PRKG1: variants seen among roughly 807,000 people sequenced by gnomAD.
PRKG1 encodes the protein cGMP-dependent protein kinase 1.
In PRKG1, 35 loss-of-function variants were observed where a neutral mutation model predicts 88.1. The ratio of observed to expected loss-of-function variants is 0.40; its 90% CI spans 0.30 to 0.53. The LOEUF is 0.53. Ranked by LOEUF, PRKG1 falls within the 20% of genes least tolerant of loss-of-function variation. The pLI, the probability that PRKG1 is intolerant of heterozygous loss-of-function variation, is 0.59. For missense variants in PRKG1, 540 were observed against 839.8 expected (o/e 0.64, Z 4.41); for synonymous variants, 303 against 292.5 (o/e 1.04, Z -0.37).
intron 3 of PRKG1, among the ~76,000 whole-genome samples, chr10:51,693,474 T>C (rs957157547): frequency 2.6e-5 from 4 of 151,914 alleles, no homozygotes; most frequent in Admixed American, 2.0e-4. Context: ...CAATCTCGAC[T>C]CACTTCAATC....
At chr10:51,639,962 C>T (rs1028623344) in intron 3 of PRKG1, among the ~76,000 whole-genome samples, 3 of 152,184 alleles carry the variant, frequency 2.0e-5, no homozygotes, top group Non-Finnish European at 4.4e-5. Context: ...TTCTCACAGC[C>T]TTAGTCTCTG....
chr10:51,828,974 G>A (rs1839941570), intron 4 of PRKG1, among the ~76,000 whole-genome samples: 1 of 152,150 alleles, frequency 6.6e-6, no homozygotes, highest in South Asian at 2.1e-4. Flanking sequence ...GTTTTCATGG[G>A]TGAGAAATCT....
chr10:51,332,420 C>A (rs1341257235), intron 2 of PRKG1, among the ~76,000 whole-genome samples: 1 of 152,086 alleles, frequency 6.6e-6, no homozygotes, highest in Non-Finnish European at 1.5e-5. Flanking sequence ...AAAAAAATCA[C>A]ACTGAGGAAG....
At chr10:51,013,086 T>C (rs1843013164) in intron 1 of PRKG1, among the ~76,000 whole-genome samples, 1 of 152,210 alleles carries the variant, frequency 6.6e-6, no homozygotes, top group African/African-American at 2.4e-5. Flanking sequence ...AAGGTCCAGC[T>C]CATCCGAAGG....
chr10:52,179,522 T>C (rs1031104749), intron 9 of PRKG1, among the ~76,000 whole-genome samples: 1 of 152,184 alleles, frequency 6.6e-6, no homozygotes, highest in African/African-American at 2.4e-5. Flanking sequence ...TTAGAATTCA[T>C]TCTTTGTTTT....
intron 5 of PRKG1, among the ~76,000 whole-genome samples, chr10:52,025,144 A>G (rs9665018): frequency 0.66 from 99,586 of 152,028 alleles, 33,189 homozygotes; most frequent in African/African-American, 0.78. Flanking sequence ...AGAAGTGTCC[A>G]TTCATATCGT....
intron 1 of PRKG1, among the ~76,000 whole-genome samples, chr10:50,992,051 C>T (rs1009679292): frequency 2.0e-5 from 3 of 151,888 alleles, no homozygotes; most frequent in African/African-American, 7.3e-5. Flanking sequence ...AGCTTCCCAG[C>T]GGCGACCCCC....
chr10:52,019,641 T>C (rs1018804392), intron 5 of PRKG1, among the ~76,000 whole-genome samples: 2 of 152,212 alleles, frequency 1.3e-5, no homozygotes, highest in Non-Finnish European at 2.9e-5. Context: ...CTCAGTCATT[T>C]ATAAAGAAGG....
At chr10:51,479,566 C>T (rs182946552) in intron 3 of PRKG1, among the ~76,000 whole-genome samples, 2 of 152,062 alleles carry the variant, frequency 1.3e-5, no homozygotes, top group African/African-American at 2.4e-5. Flanking sequence ...TTCTTCTACT[C>T]ATCTTCCAAT....
intron 4 of PRKG1, among the ~76,000 whole-genome samples, chr10:51,849,246 C>G (rs1372943060): frequency 1.3e-5 from 2 of 152,004 alleles, no homozygotes; most frequent in African/African-American, 4.8e-5. Flanking sequence ...TTCTTGGAGC[C>G]AAACAGGCAT....
chr10:51,416,753 A>G (rs182822700), intron 2 of PRKG1, among the ~76,000 whole-genome samples: 2 of 152,300 alleles, frequency 1.3e-5, no homozygotes, highest in East Asian at 1.9e-4. Flanking sequence ...CCTTCCAGCC[A>G]TGACCCACAC....
intron 1 of PRKG1, among the ~76,000 whole-genome samples, chr10:51,005,637 G>A (rs1842933410): frequency 6.6e-6 from 1 of 152,168 alleles, no homozygotes; most frequent in Non-Finnish European, 1.5e-5. Flanking sequence ...ACCAACTCTA[G>A]AATGAATTTC....
intron 2 of PRKG1, among the ~76,000 whole-genome samples, chr10:51,436,242 G>A (rs112414123): frequency 1.8e-3 from 275 of 150,340 alleles, no homozygotes; most frequent in Middle Eastern, 3.4e-3. Flanking sequence ...CTCTGCTGTC[G>A]TTGATCAGTG....
At chr10:51,748,779 T>C (rs1564631771) in intron 3 of PRKG1, among the ~76,000 whole-genome samples, 1 of 152,192 alleles carries the variant, frequency 6.6e-6, no homozygotes, top group Non-Finnish European at 1.5e-5. Flanking sequence ...ATTTATAAAC[T>C]TACAATTATA....
At chr10:51,267,640 A>G (rs1248406738) in intron 2 of PRKG1, among the ~76,000 whole-genome samples, 1 of 152,146 alleles carries the variant, frequency 6.6e-6, no homozygotes, top group East Asian at 1.9e-4. Flanking sequence ...CTCATCTCTC[A>G]CCTTATATAA....
chr10:51,730,857 A>G (rs1385511617), intron 3 of PRKG1, among the ~76,000 whole-genome samples: 2 of 152,182 alleles, frequency 1.3e-5, no homozygotes, highest in African/African-American at 4.8e-5. Flanking sequence ...ATGTATTTCA[A>G]CTTACAAAAA....
chr10:51,389,331 ACAGAATAAAAGCGGT>A (rs909794039), intron 2 of PRKG1, among the ~76,000 whole-genome samples: 1 of 152,210 alleles, frequency 6.6e-6, no homozygotes, highest in African/African-American at 2.4e-5. Context: ...GCCCCATGCC[ACAGAATAAAAGCGGT>A]CAGTCCTGGT....
chr10:51,164,561 G>A (rs1428286923), intron 2 of PRKG1, among the ~76,000 whole-genome samples: 4 of 152,202 alleles, frequency 2.6e-5, no homozygotes, highest in Non-Finnish European at 4.4e-5. Context: ...TGACTTTCAC[G>A]AGTTGAGAGA....
rs1588971542 is a variant in PRKG1, at chr10:51,452,029, A to G, written c.479-15694A>G. 4.6e-5 allele frequency among the ~76,000 whole-genome samples: 7 copies of G among 152,002 alleles called. No individual in the cohort carries two copies. The Middle Eastern group carries it at 0.02, about 443-fold the overall frequency. On this transcript the variant is annotated intron_variant, in intron 2 of 17. Transcript: ENST00000373980. ...TGAACAATTACTATGTACCTGTGCT[A>G]ATCTTTATTTTTAACAACTTTATTG... is the stretch of plus-strand genomic sequence containing the variant.
Sources: gnomAD v4.1 joint callset for allele counts (sites outside exome capture counted in the v4.1 genomes callset) on GRCh38, gnomAD v4.1.1 for gene constraint, MANE v1.5 for transcripts, NCBI Gene and HGNC (gene_info 2026-07-23, HGNC 2026-07-21) for gene names.